FHIT: variants seen among roughly 807,000 people sequenced by gnomAD.
FHIT encodes fragile histidine triad diadenosine triphosphatase.
Under a neutral mutation model 17.9 loss-of-function variants are expected in FHIT, and 19 were observed. That is an observed-to-expected ratio of 1.06 (90% CI 0.74 to 1.56). The LOEUF is 1.56. Among genes scored for constraint, FHIT ranks in the 40% most tolerant of loss-of-function variants. The probability of loss-of-function intolerance (pLI) is 0.00; values close to 1 mark genes in which losing one functional copy is unlikely to be tolerated. For missense variants in FHIT, 248 were observed against 189.2 expected (o/e 1.31, Z -1.82); for synonymous variants, 81 against 69.7 (o/e 1.16, Z -0.81).
intron 7 of FHIT, among the ~76,000 whole-genome samples, chr3:59,968,763 T>C (rs543864406): frequency 1.3e-5 from 2 of 152,318 alleles, no homozygotes; most frequent in Admixed American, 6.5e-5. Flanking sequence ...TCAACGCTGC[T>C]AGATGCTAAA....
intron 5 of FHIT, among the ~76,000 whole-genome samples, chr3:60,354,240 G>A (rs1699548963): frequency 6.6e-6 from 1 of 152,048 alleles, no homozygotes; most frequent in African/African-American, 2.4e-5. Flanking sequence ...AAAAAAGTAT[G>A]CACATTAATA....
At chr3:60,819,616 T>G (rs1701857696) in intron 4 of FHIT, among the ~76,000 whole-genome samples, 1 of 152,190 alleles carries the variant, frequency 6.6e-6, no homozygotes, top group Admixed American at 6.5e-5. Context: ...TCATTATGGC[T>G]TCCACTTCTT....
intron 4 of FHIT, among the ~76,000 whole-genome samples, chr3:60,667,174 A>C (rs1553692648): frequency 6.6e-6 from 1 of 151,588 alleles, no homozygotes; most frequent in African/African-American, 2.4e-5. Flanking sequence ...TCTGGCTGTC[A>C]GCTAATCAAA....
intron 4 of FHIT, among the ~76,000 whole-genome samples, chr3:60,602,117 A>C (rs148828151): frequency 2.1e-4 from 32 of 152,326 alleles, no homozygotes; most frequent in African/African-American, 6.0e-4. Flanking sequence ...AAAAAGAAAA[A>C]TTCTCAGTTT....
chr3:61,235,688 C>A (rs901703100), intron 1 of FHIT, among the ~76,000 whole-genome samples: 2 of 150,476 alleles, frequency 1.3e-5, no homozygotes, highest in South Asian at 2.1e-4. Context: ...GATGACAGAG[C>A]GAGACTCTGT....
Position 60,555,280 on chromosome 3 carries a change from A to G in FHIT, c.-17-18301T>C, listed in dbSNP as rs554866461. On this transcript the variant is annotated intron_variant, in intron 4 of 9. Coordinates refer to ENST00000492590, the MANE Select transcript of FHIT (RefSeq NM_002012.4). ...AAAGTCAAACTATAGCCTCTGTGTT[A>G]TGTCCCCACTAAAGCCAGTATGGCC... is the stretch of plus-strand genomic sequence containing the variant. Among the ~76,000 whole-genome samples, 5 of 152,328 alleles carry G rather than the reference A, an allele frequency of 3.3e-5. No individual in the cohort carries two copies. In the South Asian group the frequency reaches 8.3e-4, roughly 25 times the overall value.
intron 5 of FHIT, among the ~76,000 whole-genome samples, chr3:60,331,907 T>G (rs1236522952): frequency 1.3e-5 from 2 of 151,544 alleles, no homozygotes; most frequent in African/African-American, 4.8e-5. Context: ...CCAGGAAGCA[T>G]GCCCTAAGAT....
In FHIT at chr3:60,660,729, CTTTTTTTT is replaced by C; in HGVS notation, c.-17-123758_-17-123751del. Among the ~76,000 whole-genome samples the C allele has an allele frequency of 1.4e-3, 53 of 37,280 alleles. 3 individuals are homozygous for C. The highest frequency in any genetic ancestry group is 2.4e-3 in the Non-Finnish European group (43 of 18,240). The allele number at this position is 37,280 out of a possible 152,430, so 24.5% of individuals were successfully genotyped here. On this transcript the variant is annotated intron_variant, in intron 4 of 9. Transcript: ENST00000492590. ...GATGTGGAATATCTTTTATTGTGCT[CTTTTTTTT>C]TTTTTTTTTTTTTGCCATCTGCCAT...
chr3:60,519,656 C>T (rs1267158603), intron 5 of FHIT, among the ~76,000 whole-genome samples: 2 of 152,082 alleles, frequency 1.3e-5, no homozygotes, highest in Non-Finnish European at 2.9e-5. Flanking sequence ...TGTATTGATA[C>T]CATAGCTTGA....
At chr3:60,864,430 T>A (rs1272854593) in intron 3 of FHIT, among the ~76,000 whole-genome samples, 1 of 152,184 alleles carries the variant, frequency 6.6e-6, no homozygotes, top group Non-Finnish European at 1.5e-5. Context: ...TTCATTGTGC[T>A]GTCTCTCATT....
At chr3:60,125,641 T>C (rs1469203690) in intron 5 of FHIT, among the ~76,000 whole-genome samples, 1 of 148,572 alleles carries the variant, frequency 6.7e-6, no homozygotes, top group Non-Finnish European at 1.5e-5. Context: ...AGTGTATATA[T>C]ACATATGTGT....
At chr3:60,994,231 T>C (rs1164525532) in intron 3 of FHIT, among the ~76,000 whole-genome samples, 2 of 152,212 alleles carry the variant, frequency 1.3e-5, no homozygotes, top group African/African-American at 4.8e-5. Context: ...TGGATGACAA[T>C]GATCTAGATA....
At chr3:60,013,115 T>C (rs1028011037) in intron 6 of FHIT, among the ~76,000 whole-genome samples, 1 of 152,176 alleles carries the variant, frequency 6.6e-6, no homozygotes, top group Non-Finnish European at 1.5e-5. Flanking sequence ...AAAAATCTGT[T>C]TGAGAAGAAG....
intron 3 of FHIT, among the ~76,000 whole-genome samples, chr3:60,843,161 G>A (rs563761431): frequency 6.6e-6 from 1 of 152,254 alleles, no homozygotes; most frequent in African/African-American, 2.4e-5. Context: ...CAATGTGAAG[G>A]TGAGTTAGGA....
chr3:61,184,033 G>C (rs562955453), intron 2 of FHIT, among the ~76,000 whole-genome samples: 1 of 152,200 alleles, frequency 6.6e-6, no homozygotes, highest in African/African-American at 2.4e-5. Flanking sequence ...AGCTTCGCTA[G>C]TTTCTAAATC....
At chr3:59,926,788 T>C (rs1478173836) in intron 7 of FHIT, among the ~76,000 whole-genome samples, 1 of 152,198 alleles carries the variant, frequency 6.6e-6, no homozygotes, top group African/African-American at 2.4e-5. Context: ...TACTACTTCA[T>C]ACCCACTAGA....
At chr3:60,507,480 TGTTTC>T (rs534108899) in intron 5 of FHIT, among the ~76,000 whole-genome samples, 9 of 152,332 alleles carry the variant, frequency 5.9e-5, no homozygotes, top group African/African-American at 2.2e-4. Context: ...TGTTTTGTTT[TGTTTC>T]ATTTTGTTTT....
chr3:60,349,805 G>A (rs184932395), intron 5 of FHIT, among the ~76,000 whole-genome samples: 4 of 152,200 alleles, frequency 2.6e-5, no homozygotes, highest in Non-Finnish European at 2.9e-5. Context: ...GAATTCATAA[G>A]GTAACTTACC....
intron 5 of FHIT, among the ~76,000 whole-genome samples, chr3:60,061,963 A>G (rs1008448959): frequency 6.6e-6 from 1 of 152,174 alleles, no homozygotes; most frequent in African/African-American, 2.4e-5. Flanking sequence ...AGAAAGACTG[A>G]CTTACTGCTA....
Sources: gnomAD v4.1 joint callset for allele counts (sites outside exome capture counted in the v4.1 genomes callset) on GRCh38, gnomAD v4.1.1 for gene constraint, MANE v1.5 for transcripts, NCBI Gene and HGNC (gene_info 2026-07-23, HGNC 2026-07-21) for gene names.